Variants in DNAH14 observed in about 807,000 individuals in gnomAD.
The protein encoded by DNAH14 is dynein axonemal heavy chain 14.
A neutral mutation model predicts 520.9 loss-of-function variants in DNAH14; 478 were observed. The ratio of observed to expected loss-of-function variants is 0.92; its 90% CI spans 0.85 to 0.99. DNAH14 has a LOEUF of 0.99. DNAH14 is among the 50% of genes least tolerant of loss of function. The pLI, the probability that DNAH14 is intolerant of heterozygous loss-of-function variation, is 0.00. For synonymous variants in DNAH14, 1,581 were observed against 1,757.2 expected, an observed-to-expected ratio of 0.90 and a Z score of 2.51; for missense variants, 4,831 against 5,234.5, an observed-to-expected ratio of 0.92 and a Z score of 2.38.
At chr1:225,244,509 A>T (rs1173128582) in intron 43 of DNAH14, among the ~76,000 whole-genome samples, 1 of 152,004 alleles carries the variant, frequency 6.6e-6, no homozygotes, top group East Asian at 1.9e-4. Context: ...GTAGGTTATT[A>T]ATTATTGCCT....
chr1:225,113,353 T>C (rs12067756), intron 23 of DNAH14, among the ~76,000 whole-genome samples: 6,545 of 152,278 alleles, frequency 0.043, 414 homozygotes, highest in African/African-American at 0.14. Flanking sequence ...CTCTGTGTGC[T>C]GAGCTGCCTG....
Position 225,318,689 on chromosome 1 carries a change from A to G in DNAH14, c.9335+12A>G, listed in dbSNP as rs367584312. The G allele has an allele frequency of 2.0e-5, 30 of 1,536,182 alleles. No homozygotes were observed. The highest frequency in any genetic ancestry group is 2.4e-5 in the Non-Finnish European group (27 of 1,141,098). ...GTCGCTGAATTAAGGTAACTCTCCT[A>G]AGTTTCGTTTGAGTTGGAAAAGCTC... On this transcript the variant is annotated intron_variant, in intron 61 of 85. Transcript: ENST00000682510.
Position 225,364,834 on chromosome 1 carries a change from A to C in DNAH14, c.12030A>C (p.Leu4010=). The part of the protein sequence containing the change: ...PNVTIDPEFR[L]WLSSKSYSSF... ...TGACAATAGACCCTGAGTTTCGGCT[A>C]TGGTTAAGCTCAAAATCATACAGTT... Residue 4010 remains leucine, a synonymous_variant, in exon 76 of 86, where the codon CTA becomes CTC. Transcript: ENST00000682510. The C allele has an allele frequency of 6.5e-7, 1 of 1,549,012 alleles. No homozygotes were observed. Among genetic ancestry groups the C allele is most frequent in the Non-Finnish European group, 8.7e-7 (1 of 1,146,076 alleles).
intron 8 of DNAH14, among the ~76,000 whole-genome samples, chr1:224,977,701 G>A (rs1267082756): frequency 3.9e-5 from 6 of 152,120 alleles, no homozygotes; most frequent in Non-Finnish European, 7.4e-5. Flanking sequence ...CTGTATCTGC[G>A]CAGCAAAGGA....
chr1:225,295,775 G>T (rs958279428), intron 55 of DNAH14, among the ~76,000 whole-genome samples: 1 of 152,098 alleles, frequency 6.6e-6, no homozygotes. Context: ...CTTGGTCTAT[G>T]GTGCAATTTA....
chr1:225,073,880 AC>A (rs1172565725), intron 17 of DNAH14, among the ~76,000 whole-genome samples: 2 of 149,558 alleles, frequency 1.3e-5, no homozygotes, highest in East Asian at 3.9e-4. Context: ...ACGGGCTTTC[AC>A]CATGTTGGCC....
At chr1:225,023,178 A>C (rs2065844902) in intron 10 of DNAH14, among the ~76,000 whole-genome samples, 1 of 152,134 alleles carries the variant, frequency 6.6e-6, no homozygotes, top group South Asian at 2.1e-4. Context: ...TTCATACCCC[A>C]AGACTCAGCA....
In DNAH14 at chr1:225,308,287, A is replaced by C. The variant is rs1246291123; in HGVS notation, c.9117A>C (p.Glu3039Asp). The C allele has an allele frequency of 7.8e-6, 12 of 1,536,002 alleles. No individual in the cohort carries two copies. The highest frequency in any genetic ancestry group is 1.0e-5 in the Non-Finnish European group (12 of 1,143,262). Residue 3039 changes from glutamate to aspartate, a missense_variant and splice_region_variant, in exon 60 of 86, where the codon GAA becomes GAC. By Grantham distance (45) the Glu-to-Asp change is conservative. Coordinates refer to ENST00000682510, the MANE Select transcript of DNAH14 (RefSeq NM_001367479.1). Reference protein sequence around the residue: ...LGPQVEQKTKETETLMEKLRK... With the variant: ...LGPQVEQKTKDTETLMEKLRK... The stretch of plus-strand genomic sequence containing the variant: ...AGAACAATTATGTGCTTCATTAGGA[A>C]ACAGAAACTCTAATGGAAAAACTAC...
intron 17 of DNAH14, among the ~76,000 whole-genome samples, chr1:225,078,838 C>T (rs1234317637): frequency 2.2e-5 from 2 of 89,886 alleles, no homozygotes; most frequent in African/African-American, 9.7e-5. Flanking sequence ...CTCTCTCTCT[C>T]TCTCCCTCTC....
intron 17 of DNAH14, among the ~76,000 whole-genome samples, chr1:225,076,854 A>G (rs1307311857): frequency 6.6e-6 from 1 of 151,814 alleles, no homozygotes; most frequent in South Asian, 2.1e-4. Context: ...TGCAGGTTTG[A>G]TACATAGGTA....
chr1:225,132,632 TG>T (rs2078545065), intron 27 of DNAH14, among the ~76,000 whole-genome samples: 1 of 152,182 alleles, frequency 6.6e-6, no homozygotes, highest in Admixed American at 6.6e-5. Flanking sequence ...TGAGCATTTT[TG>T]TTGATTCCAT....
intron 41 of DNAH14, among the ~76,000 whole-genome samples, chr1:225,229,519 A>T (rs913202871): frequency 6.6e-5 from 10 of 152,214 alleles, no homozygotes; most frequent in African/African-American, 2.4e-4. Context: ...GAACCAACCC[A>T]AATGCCCATC....
rs373318095 is a variant in DNAH14 at position 224,929,741 on chromosome 1, C to G, written c.-128C>G. On this transcript the variant is annotated 5_prime_UTR_variant, in exon 1 of 86. Coordinates refer to ENST00000682510, the MANE Select transcript of DNAH14 (RefSeq NM_001367479.1). ...TAGGGCTGTGCTGCGCGGTCCTTCC[C>G]ATTCACCCTAGTCTGGCGCTCGCCG... 7 of 702,254 alleles carry G rather than the reference C, an allele frequency of 1.0e-5. No homozygotes were observed. In the African/African-American group the frequency reaches 1.2e-4, roughly 12 times the overall value. 43.5% of individuals were successfully genotyped at this position (702,254 alleles called of 1,614,324 possible). A position where few individuals can be genotyped will look rare whatever the true frequency, so the allele number is the denominator to read the frequency against.
intron 37 of DNAH14, among the ~76,000 whole-genome samples, chr1:225,187,909 A>G (rs898469736): frequency 6.6e-6 from 1 of 151,546 alleles, no homozygotes; most frequent in African/African-American, 2.4e-5. Flanking sequence ...CCCTTTCTTG[A>G]TGTGAAGTGT....
chr1:225,206,876 G>C (rs1197484867), intron 40 of DNAH14, 92 bp from the exon 41 acceptor site: 2 of 1,088,622 alleles, frequency 1.8e-6, no homozygotes, highest in Admixed American at 3.5e-5. Flanking sequence ...TTTATGAGAG[G>C]GCAGTGGTGA....
Position 225,331,540 on chromosome 1 carries a change from G to A in DNAH14, c.9827G>A (p.Cys3276Tyr), listed in dbSNP as rs1417519098. The A allele has an allele frequency of 1.9e-6, 3 of 1,551,532 alleles. No individual in the cohort carries two copies. The highest frequency in any genetic ancestry group is 2.4e-5 in the South Asian group (2 of 84,058). Reference protein sequence around the residue: ...RKTMASRRFQCASVLLTVLED... With the variant: ...RKTMASRRFQYASVLLTVLED... ...ACAATGGCCAGCAGGCGCTTTCAGTGTGCGTCAGTCTTACTAACTGTCCTG... is the reference window on the plus strand; with the variant it reads ...ACAATGGCCAGCAGGCGCTTTCAGTATGCGTCAGTCTTACTAACTGTCCTG... Residue 3276 changes from cysteine (C) to tyrosine (Y), a missense_variant, in exon 65 of 86, where the codon TGT becomes TAT. By Grantham distance (194) the Cys-to-Tyr change is radical (BLOSUM62 -2). Transcript: ENST00000682510.
chr1:225,117,823 T>C, intron 24 of DNAH14, 35 bp downstream of exon 24: 2 of 1,519,170 alleles, frequency 1.3e-6, no homozygotes, highest in Non-Finnish European at 1.8e-6. Flanking sequence ...CAATATTATA[T>C]TAGCGATATT....
chr1:224,967,775 G>T (rs2061276092), intron 6 of DNAH14, 192 bp downstream of exon 6: 2 of 1,464,016 alleles, frequency 1.4e-6, no homozygotes, highest in Admixed American at 2.7e-5. Context: ...TAGAGATTTA[G>T]GTTTGAAGAT....
chr1:225,211,716 G>A (rs1022256512), intron 41 of DNAH14, among the ~76,000 whole-genome samples: 3 of 151,576 alleles, frequency 2.0e-5, no homozygotes, highest in Non-Finnish European at 4.4e-5. Flanking sequence ...AGGTTGAAAT[G>A]AAAAAAAATC....
Sources: gnomAD v4.1 joint callset for allele counts (sites outside exome capture counted in the v4.1 genomes callset) on GRCh38, gnomAD v4.1.1 for gene constraint, MANE v1.5 for transcripts, NCBI Gene and HGNC (gene_info 2026-07-23, HGNC 2026-07-21) for gene names.